Variants in MAGI1 observed in about 807,000 individuals in gnomAD.
MAGI1 encodes membrane associated guanylate kinase, WW and PDZ domain containing 1.
In MAGI1, 58 loss-of-function variants were observed where a neutral mutation model predicts 139.9. The ratio of observed to expected loss-of-function variants is 0.41; its 90% CI spans 0.34 to 0.52. The LOEUF is 0.52. Among genes scored for constraint, MAGI1 ranks in the 20% least tolerant of loss-of-function variants. The probability of loss-of-function intolerance (pLI) is 0.12; values close to 1 mark genes in which losing one functional copy is unlikely to be tolerated. For synonymous variants in MAGI1, 812 were observed against 737.9 expected (o/e 1.10, Z -1.63); for missense variants, 1,874 against 1,901.6 (o/e 0.99, Z 0.27).
intron 1 of MAGI1, among the ~76,000 whole-genome samples, chr3:65,977,720 A>G (rs902279055): frequency 6.6e-6 from 1 of 151,500 alleles, no homozygotes; most frequent in African/African-American, 2.4e-5. Flanking sequence ...TCCTGCCACT[A>G]CCAAATAAAA....
chr3:65,504,935 T>C (rs1230210963), intron 2 of MAGI1, among the ~76,000 whole-genome samples: 1 of 152,172 alleles, frequency 6.6e-6, no homozygotes, highest in Non-Finnish European at 1.5e-5. Context: ...TCTCAGGTTG[T>C]AACTGATTCA....
chr3:65,795,469 T>C (rs1167191204), intron 1 of MAGI1, among the ~76,000 whole-genome samples: 2 of 152,188 alleles, frequency 1.3e-5, no homozygotes, highest in East Asian at 1.9e-4. Flanking sequence ...TTGTATAACA[T>C]TCTTGAAATG....
At chr3:65,888,941 G>A (rs1369482199) in intron 1 of MAGI1, among the ~76,000 whole-genome samples, 2 of 152,100 alleles carry the variant, frequency 1.3e-5, no homozygotes, top group African/African-American at 4.8e-5. Context: ...CCATATATGT[G>A]TGTATGTTTA....
intron 2 of MAGI1, among the ~76,000 whole-genome samples, chr3:65,563,442 G>C (rs188150430): frequency 1.3e-5 from 2 of 152,114 alleles, no homozygotes; most frequent in African/African-American, 4.8e-5. Flanking sequence ...AGAAATGATG[G>C]AATGTGATTC....
At chr3:66,017,425 C>T (rs914694083) in intron 1 of MAGI1, among the ~76,000 whole-genome samples, 1 of 152,232 alleles carries the variant, frequency 6.6e-6, no homozygotes, top group Admixed American at 6.5e-5. Flanking sequence ...TCAGATCAAA[C>T]TCCAGGGGGT....
chr3:65,569,198 A>G (rs909406275), intron 2 of MAGI1, among the ~76,000 whole-genome samples: 112 of 152,344 alleles, frequency 7.4e-4, no homozygotes, highest in African/African-American at 2.7e-3. Flanking sequence ...AAAATATTGC[A>G]TGATTCCTCT....
chr3:65,494,498 T>C (rs1952278550), intron 2 of MAGI1, among the ~76,000 whole-genome samples: 1 of 152,032 alleles, frequency 6.6e-6, no homozygotes, highest in African/African-American at 2.4e-5. Context: ...AAACAGCAAT[T>C]ATGTACCCTG....
At chr3:65,822,199 A>T (rs1215174638) in intron 1 of MAGI1, among the ~76,000 whole-genome samples, 2 of 152,224 alleles carry the variant, frequency 1.3e-5, no homozygotes, top group Non-Finnish European at 2.9e-5. Context: ...GAGAAATGAA[A>T]AAGGAATTTA....
chr3:65,936,103 G>A (rs117300775), intron 1 of MAGI1, among the ~76,000 whole-genome samples: 2,154 of 152,292 alleles, frequency 0.014, 32 homozygotes, highest in East Asian at 0.041. Context: ...ACAGGACCAG[G>A]TTAAGGACTT....
Position 65,760,170 on chromosome 3 carries a change from T to G in MAGI1, c.314-138082A>C, listed in dbSNP as rs550654787. 3.2e-3 allele frequency among the ~76,000 whole-genome samples: 481 copies of G among 151,968 alleles called. 4 individuals are homozygous for G. Among genetic ancestry groups the G allele is most frequent in the Middle Eastern group, 0.01 (3 of 294 alleles). Reference sequence around the variant, plus strand: ...AACTTCCTCCTCCTCCTCCTCCTCCTCCTCCTCCCCGTCCTCCTTTATAAT... The same window carrying G: ...AACTTCCTCCTCCTCCTCCTCCTCCGCCTCCTCCCCGTCCTCCTTTATAAT... On this transcript the variant is annotated intron_variant, in intron 1 of 22. Transcript: ENST00000402939.
At chr3:65,940,136 G>T (rs948597487) in intron 1 of MAGI1, among the ~76,000 whole-genome samples, 2 of 152,130 alleles carry the variant, frequency 1.3e-5, no homozygotes, top group African/African-American at 4.8e-5. Flanking sequence ...TGAAGCACTA[G>T]AATAACACCC....
chr3:65,432,124 G>A (rs114295299), intron 10 of MAGI1, among the ~76,000 whole-genome samples: 5 of 152,148 alleles, frequency 3.3e-5, no homozygotes, highest in East Asian at 1.9e-4. Context: ...AAACCAAAAC[G>A]TTTTCTTTTG....
At chr3:65,440,904 GTATA>G (rs200311050) in intron 8 of MAGI1, among the ~76,000 whole-genome samples, 2 of 142,598 alleles carry the variant, frequency 1.4e-5, no homozygotes, top group South Asian at 4.5e-4. Context: ...ACATATGTGT[GTATA>G]TATATATACA....
intron 13 of MAGI1, among the ~76,000 whole-genome samples, chr3:65,400,626 G>C (rs1045493595): frequency 1.3e-5 from 2 of 151,962 alleles, no homozygotes; most frequent in Non-Finnish European, 2.9e-5. Flanking sequence ...TTTGTCATTA[G>C]TGCCCCGGGA....
chr3:65,575,735 A>G (rs2081148168), intron 2 of MAGI1, among the ~76,000 whole-genome samples: 1 of 152,212 alleles, frequency 6.6e-6, no homozygotes, highest in African/African-American at 2.4e-5. Context: ...ATGGCTCTCA[A>G]AAAATTCTGC....
chr3:65,429,592 G>C lies in MAGI1; in HGVS notation c.2095C>G (p.His699Asp). The C allele has an allele frequency of 6.2e-7, 1 of 1,613,952 alleles. No homozygotes were observed. Among genetic ancestry groups the C allele is most frequent in the Non-Finnish European group, 8.5e-7 (1 of 1,179,934 alleles). ...VNKKNVQALT[H>D]NQVVDMLVEC... ...ACCAGCATATCCACCACTTGGTTGT[G>C]AGTTAGGGCCTGCACGTTCTTCTTA... The change falls in exon 12 of 23, where the codon CAC becomes GAC. Residue 699 changes from histidine to aspartate, a missense_variant. Coordinates refer to ENST00000402939, the MANE Select transcript of MAGI1 (RefSeq NM_001033057.2).
intron 2 of MAGI1, among the ~76,000 whole-genome samples, chr3:65,516,217 G>A (rs548505967): frequency 2.5e-4 from 38 of 151,982 alleles, no homozygotes; most frequent in African/African-American, 8.4e-4. Flanking sequence ...GTTTTGCTCT[G>A]TTGGCAGGCT....
At chr3:65,658,142 C>T (rs2085990314) in intron 1 of MAGI1, among the ~76,000 whole-genome samples, 1 of 152,084 alleles carries the variant, frequency 6.6e-6, no homozygotes, top group Admixed American at 6.6e-5. Context: ...AGCCTTAATG[C>T]TGAAAAGAAC....
At chr3:65,411,040 C>G (rs545965740) in intron 12 of MAGI1, among the ~76,000 whole-genome samples, 3 of 152,044 alleles carry the variant, frequency 2.0e-5, no homozygotes, top group Non-Finnish European at 4.4e-5. Context: ...GAAAAAGAAC[C>G]GTTAACTTAA....
Sources: gnomAD v4.1 joint callset for allele counts (sites outside exome capture counted in the v4.1 genomes callset) on GRCh38, gnomAD v4.1.1 for gene constraint, MANE v1.5 for transcripts, NCBI Gene and HGNC (gene_info 2026-07-23, HGNC 2026-07-21) for gene names.